PACS1: variants seen among roughly 807,000 people sequenced by gnomAD.
PACS1 encodes phosphofurin acidic cluster sorting protein 1, also known as PACS-1.
Under a neutral mutation model 115.0 loss-of-function variants are expected in PACS1, and 24 were observed. The ratio of observed to expected loss-of-function variants is 0.21; its 90% CI spans 0.15 to 0.29. The LOEUF (loss-of-function observed/expected upper bound fraction) is 0.29. Ranked by LOEUF, PACS1 falls within the 10% of genes least tolerant of loss-of-function variation. The pLI is 1.00. For synonymous variants in PACS1, 453 were observed against 504.5 expected, an observed-to-expected ratio of 0.90 and a Z score of 1.37; for missense variants, 838 against 1,251.2, an observed-to-expected ratio of 0.67 and a Z score of 4.98.
At chr11:66,169,309 T>C (rs1339270795) in intron 1 of PACS1, among the ~76,000 whole-genome samples, 1 of 150,700 alleles carries the variant, frequency 6.6e-6, no homozygotes, top group Non-Finnish European at 1.5e-5. Context: ...TATTTTGTCC[T>C]TTAATCTGTT....
intron 2 of PACS1, 35 bp from the exon 3 acceptor site, chr11:66,210,327 C>T: frequency 6.5e-7 from 1 of 1,548,000 alleles, no homozygotes. Context: ...CAAGCCACTG[C>T]ACCTGGCCAA....
chr11:66,075,050 C>G (rs1465970313), intron 1 of PACS1, among the ~76,000 whole-genome samples: 1 of 140,294 alleles, frequency 7.1e-6, no homozygotes, highest in Non-Finnish European at 1.5e-5. Context: ...TCGCTCCATT[C>G]TCCTGCCTCA....
chr11:66,206,755 T>C (rs1019175981), intron 2 of PACS1, among the ~76,000 whole-genome samples: 2 of 152,120 alleles, frequency 1.3e-5, no homozygotes, highest in South Asian at 2.1e-4. Flanking sequence ...GTTGAGAAGA[T>C]GACATTTACC....
chr11:66,120,824 G>A (rs1037648729), intron 1 of PACS1, among the ~76,000 whole-genome samples: 7 of 152,140 alleles, frequency 4.6e-5, no homozygotes, highest in African/African-American at 1.7e-4. Flanking sequence ...CCTATCCTCT[G>A]TCTGCTAGAA....
chr11:66,136,865 A>G (rs1444171351), intron 1 of PACS1, among the ~76,000 whole-genome samples: 1 of 152,166 alleles, frequency 6.6e-6, no homozygotes, highest in Non-Finnish European at 1.5e-5. Flanking sequence ...TCACTCCCAC[A>G]GAAGTGGTCT....
At chr11:66,127,527 GCTT>G (rs1326990542) in intron 1 of PACS1, among the ~76,000 whole-genome samples, 1 of 152,202 alleles carries the variant, frequency 6.6e-6, no homozygotes, top group Non-Finnish European at 1.5e-5. Context: ...GTGTAAGAAG[GCTT>G]CTTCTCTGTG....
intron 1 of PACS1, among the ~76,000 whole-genome samples, chr11:66,126,992 C>G (rs765536653): frequency 2.6e-5 from 4 of 152,134 alleles, no homozygotes; most frequent in Admixed American, 2.0e-4. Flanking sequence ...CTGCATGCCA[C>G]GTCTTTGCAG....
chr11:66,111,307 T>C (rs1190538818), intron 1 of PACS1, among the ~76,000 whole-genome samples: 1 of 152,262 alleles, frequency 6.6e-6, no homozygotes, highest in Non-Finnish European at 1.5e-5. Context: ...ATGTGGTTTA[T>C]TGTTGACTGC....
chr11:66,093,049 G>T (rs1857696215), intron 1 of PACS1, among the ~76,000 whole-genome samples: 1 of 152,016 alleles, frequency 6.6e-6, no homozygotes, highest in South Asian at 2.1e-4. Context: ...CCAATTCTGT[G>T]AAGAAAGTCA....
At chr11:66,091,500 G>A (rs972816947) in intron 1 of PACS1, among the ~76,000 whole-genome samples, 2 of 146,910 alleles carry the variant, frequency 1.4e-5, no homozygotes, top group African/African-American at 2.5e-5. Flanking sequence ...TGTTGTTGTT[G>A]TTGTTTTTTT....
chr11:66,159,539 C>T (rs541838985), intron 1 of PACS1, among the ~76,000 whole-genome samples: 1 of 152,186 alleles, frequency 6.6e-6, no homozygotes, highest in Non-Finnish European at 1.5e-5. Context: ...TACATTCCCA[C>T]AAGCTAGGTA....
intron 1 of PACS1, among the ~76,000 whole-genome samples, chr11:66,127,218 T>C (rs550791458): frequency 6.6e-6 from 1 of 152,332 alleles, no homozygotes; most frequent in African/African-American, 2.4e-5. Context: ...CTCACATGTC[T>C]CCCCGAAGGG....
chr11:66,120,178 C>T (rs868310263), intron 1 of PACS1, among the ~76,000 whole-genome samples: 7 of 133,974 alleles, frequency 5.2e-5, no homozygotes, highest in Non-Finnish European at 9.2e-5. Flanking sequence ...GACAGAGTCT[C>T]GCTCTGTTGC....
In PACS1 at chr11:66,243,036, G is replaced by C. The variant is rs371976817; in HGVS notation, c.2776+5G>C. 1 of 1,613,858 alleles carries C rather than the reference G, an allele frequency of 6.2e-7. No homozygotes were observed. Among genetic ancestry groups the C allele is most frequent in the South Asian group, 1.1e-5 (1 of 91,064 alleles). ...AGCAGCAGACTATGCTGAGAGGTGC[G>C]AGGGCAGGCAGGGCCGGGAGGAGGG... On this transcript the variant is annotated splice_donor_5th_base_variant and intron_variant, in intron 23 of 23. Transcript: ENST00000320580.
chr11:66,135,095 G>A (rs1366053592), intron 1 of PACS1, among the ~76,000 whole-genome samples: 10 of 151,974 alleles, frequency 6.6e-5, no homozygotes, highest in Admixed American at 6.6e-4. Flanking sequence ...AGCTACTTGG[G>A]AGTCTGAGGC....
chr11:66,070,883 G>C lies in PACS1; in HGVS notation c.356+41G>C, dbSNP rs1383168505. On this transcript the variant is annotated intron_variant, in intron 1 of 23. Transcript: ENST00000320580. The surrounding 1 kb of genome is among the most constrained non-coding windows in gnomAD (Gnocchi z 5.9). ...TGCGGCGGGGCGCCGGGGGAGCGGGGTGGCCGCCGGGGCCCAGCCCTCCCC... is the reference window on the plus strand; with the variant it reads ...TGCGGCGGGGCGCCGGGGGAGCGGGCTGGCCGCCGGGGCCCAGCCCTCCCC... The C allele has an allele frequency of 2.9e-6, 4 of 1,400,406 alleles. No homozygotes were observed. In the African/African-American group the frequency reaches 6.1e-5, roughly 21 times the overall value. The allele number at this position is 1,400,406 out of a possible 1,614,324, so 86.7% of individuals were successfully genotyped here.
intron 1 of PACS1, among the ~76,000 whole-genome samples, chr11:66,160,685 T>C: frequency 7.7e-6 from 1 of 129,376 alleles, no homozygotes; most frequent in Admixed American, 8.3e-5. Flanking sequence ...TTTTTTTTTT[T>C]TGGCAGGGGA....
chr11:66,219,670 T>C (rs746879752), intron 7 of PACS1, 76 bp from the exon 8 acceptor site: 34 of 1,057,362 alleles, frequency 3.2e-5, no homozygotes, highest in Non-Finnish European at 4.9e-5. Flanking sequence ...GAAAGTGGGC[T>C]CTGGTGGGTG....
chr11:66,127,779 C>T (rs1858614700), intron 1 of PACS1, among the ~76,000 whole-genome samples: 1 of 152,112 alleles, frequency 6.6e-6, no homozygotes, highest in Middle Eastern at 3.2e-3. Flanking sequence ...ACAATAAATG[C>T]TTTTGTTTTT....
Sources: allele counts gnomAD v4.1 joint callset (sites outside exome capture counted in the v4.1 genomes callset), GRCh38; gene constraint gnomAD v4.1.1; non-coding constraint Gnocchi (gnomAD v3.1); transcripts MANE v1.5; gene names NCBI Gene and HGNC (gene_info 2026-07-23, HGNC 2026-07-21).